Variants in CNTNAP2 observed in about 807,000 individuals in gnomAD.
The protein encoded by CNTNAP2 is contactin associated protein 2.
In CNTNAP2, 98 loss-of-function variants were observed where a neutral mutation model predicts 155.2. The ratio of observed to expected loss-of-function variants is 0.63; its 90% CI spans 0.54 to 0.75. The LOEUF is 0.75. Ranked by LOEUF, CNTNAP2 falls within the 30% of genes least tolerant of loss-of-function variation. The pLI, the probability that CNTNAP2 is intolerant of heterozygous loss-of-function variation, is 0.00. For missense variants in CNTNAP2, 1,727 were observed against 1,688.1 expected (o/e 1.02, Z -0.40); for synonymous variants, 651 against 631.2 (o/e 1.03, Z -0.47).
At chr7:147,930,577 G>A (rs1182672199) in intron 14 of CNTNAP2, among the ~76,000 whole-genome samples, 2 of 152,158 alleles carry the variant, frequency 1.3e-5, no homozygotes, top group African/African-American at 2.4e-5. Context: ...CTAAATATAT[G>A]AAGCAAACAC....
rs1302678739 is a variant in CNTNAP2, at chr7:146,275,338, AG to A, written c.97+158366del. 4.6e-5 allele frequency among the ~76,000 whole-genome samples: 7 copies of A among 152,340 alleles called. No individual in the cohort carries two copies. In the East Asian group the frequency reaches 1.3e-3, roughly 29 times the overall value. ...TAACAAGACTATAGTGACCATGAAT[AG>A]AGGAAGGATTCAAACCCAGATCTTC... On this transcript the variant is annotated intron_variant, in intron 1 of 23. Coordinates refer to ENST00000361727, the MANE Select transcript of CNTNAP2 (RefSeq NM_014141.6).
intron 21 of CNTNAP2, among the ~76,000 whole-genome samples, chr7:148,353,347 T>C (rs371612936): frequency 6.6e-5 from 10 of 152,280 alleles, no homozygotes; most frequent in African/African-American, 2.4e-4. Context: ...TATGCAAAAG[T>C]ATGGATTCTG....
intron 1 of CNTNAP2, among the ~76,000 whole-genome samples, chr7:146,651,308 C>T (rs1799907726): frequency 6.6e-6 from 1 of 152,092 alleles, no homozygotes; most frequent in African/African-American, 2.4e-5. Context: ...AACATAGGAT[C>T]ATAATAAACA....
chr7:147,599,365 C>A (rs1226569810), intron 12 of CNTNAP2, among the ~76,000 whole-genome samples: 1 of 151,492 alleles, frequency 6.6e-6, no homozygotes, highest in Non-Finnish European at 1.5e-5. Flanking sequence ...ATGGTGTAAT[C>A]CCAGCTACTC....
intron 11 of CNTNAP2, among the ~76,000 whole-genome samples, chr7:147,507,536 C>T (rs145710952): frequency 6.5e-4 from 89 of 136,730 alleles, no homozygotes; most frequent in African/African-American, 2.1e-3. Context: ...ATAGAAGTTG[C>T]TTTCTCTTTC....
At chr7:147,754,562 G>T (rs1797188873) in intron 13 of CNTNAP2, among the ~76,000 whole-genome samples, 1 of 152,122 alleles carries the variant, frequency 6.6e-6, no homozygotes, top group Non-Finnish European at 1.5e-5. Context: ...AACATTTTTG[G>T]ATCCTGATTC....
intron 3 of CNTNAP2, among the ~76,000 whole-genome samples, chr7:147,042,464 T>A (rs901128650): frequency 2.6e-5 from 4 of 152,188 alleles, no homozygotes; most frequent in African/African-American, 9.7e-5. Flanking sequence ...GCGGGTTGGA[T>A]AACAGATCTA....
chr7:147,935,962 T>C (rs1033983023), intron 14 of CNTNAP2, among the ~76,000 whole-genome samples: 1 of 152,196 alleles, frequency 6.6e-6, no homozygotes, highest in Admixed American at 6.5e-5. Flanking sequence ...ACTCTTATAT[T>C]CAGTCCTCAT....
At chr7:146,613,113 T>C (rs939821660) in intron 1 of CNTNAP2, among the ~76,000 whole-genome samples, 1 of 152,186 alleles carries the variant, frequency 6.6e-6, no homozygotes, top group Non-Finnish European at 1.5e-5. Context: ...AGGAGCTCTA[T>C]GAGAAGTGTC....
At chr7:146,815,321 G>A (rs1585103563) in intron 2 of CNTNAP2, among the ~76,000 whole-genome samples, 1 of 152,056 alleles carries the variant, frequency 6.6e-6, no homozygotes. Context: ...TAGCTTATAT[G>A]TATGATGTTT....
intron 1 of CNTNAP2, among the ~76,000 whole-genome samples, chr7:146,486,629 AT>A (rs2129130186): frequency 6.6e-6 from 1 of 152,234 alleles, no homozygotes; most frequent in South Asian, 2.1e-4. Flanking sequence ...AATAACAGAT[AT>A]CATAGAAAAT....
intron 9 of CNTNAP2, among the ~76,000 whole-genome samples, chr7:147,392,331 A>G (rs1267010910): frequency 2.0e-5 from 3 of 150,928 alleles, no homozygotes; most frequent in Non-Finnish European, 4.4e-5. Flanking sequence ...TTTTGGTACT[A>G]AAGTATTTTA....
intron 1 of CNTNAP2, among the ~76,000 whole-genome samples, chr7:146,211,744 A>G (rs924983507): frequency 2.6e-5 from 4 of 152,144 alleles, no homozygotes; most frequent in Non-Finnish European, 5.9e-5. Flanking sequence ...ACTATAAACT[A>G]GAGACAGCAG....
chr7:147,593,269 G>C (rs1232085249), intron 12 of CNTNAP2, among the ~76,000 whole-genome samples: 1 of 148,050 alleles, frequency 6.8e-6, no homozygotes, highest in Admixed American at 6.8e-5. Context: ...AACTGTGGAG[G>C]TTCAGAGATG....
intron 1 of CNTNAP2, among the ~76,000 whole-genome samples, chr7:146,235,867 A>G (rs971786709): frequency 4.6e-5 from 7 of 152,154 alleles, no homozygotes; most frequent in African/African-American, 1.2e-4. Flanking sequence ...TAGCAAAGAC[A>G]TTGATACATA....
In CNTNAP2 at chr7:147,504,891, C is replaced by T. The variant is rs1798880109; in HGVS notation, c.1777+18850C>T. 4.0e-5 allele frequency among the ~76,000 whole-genome samples: 6 copies of T among 150,982 alleles called. 1 individual carries two copies. The highest frequency in any genetic ancestry group is 2.6e-4 in the Admixed American group (4 of 15,130). ...CATTTTGGGTTAGGGAAAATCTGTC[C>T]TTTGCTTCCCCGACCATTTTGAATG... On this transcript the variant is annotated intron_variant, in intron 11 of 23. Transcript: ENST00000361727.
At chr7:147,502,741 G>GTGTA (rs1491222754) in intron 11 of CNTNAP2, among the ~76,000 whole-genome samples, 95 of 99,978 alleles carry the variant, frequency 9.5e-4, no homozygotes, top group African/African-American at 1.5e-3. Flanking sequence ...GTGTGTGTGT[G>GTGTA]TATATATATA....
intron 13 of CNTNAP2, among the ~76,000 whole-genome samples, chr7:147,778,378 CA>C (rs1413035237): frequency 6.6e-6 from 1 of 152,192 alleles, no homozygotes; most frequent in East Asian, 1.9e-4. Context: ...ATGCTTTACA[CA>C]GAGTATGATT....
intron 18 of CNTNAP2, among the ~76,000 whole-genome samples, chr7:148,179,799 A>G (rs940953178): frequency 2.0e-5 from 3 of 151,814 alleles, no homozygotes; most frequent in African/African-American, 7.3e-5. Flanking sequence ...AAGGTCCCAG[A>G]CTCCTTTTTG....
Sources: gnomAD v4.1 joint callset for allele counts (sites outside exome capture counted in the v4.1 genomes callset) on GRCh38, gnomAD v4.1.1 for gene constraint, MANE v1.5 for transcripts, NCBI Gene and HGNC (gene_info 2026-07-23, HGNC 2026-07-21) for gene names.